Variants in GRM7 observed in about 807,000 individuals in gnomAD.
GRM7 encodes glutamate metabotropic receptor 7.
GRM7 carries 35 observed loss-of-function variants against 84.5 expected under a neutral mutation model. The observed-to-expected ratio is 0.41, with a 90% CI of 0.32 to 0.55. GRM7 has a LOEUF of 0.55. Among genes scored for constraint, GRM7 ranks in the 20% least tolerant of loss-of-function variants. GRM7 has a pLI of 0.19. For synonymous variants in GRM7, 487 were observed against 455.1 expected, an observed-to-expected ratio of 1.07 and a Z score of -0.89; for missense variants, 1,003 against 1,194.6, an observed-to-expected ratio of 0.84 and a Z score of 2.36.
At chr3:7,420,190 C>T (rs191250027) in intron 5 of GRM7, among the ~76,000 whole-genome samples, 5 of 152,168 alleles carry the variant, frequency 3.3e-5, no homozygotes, top group East Asian at 1.9e-4. Flanking sequence ...CTATATAATT[C>T]GTTAACAAGA....
chr3:7,274,135 A>G lies in GRM7; in HGVS notation c.737-24549A>G, dbSNP rs534104949. Among the ~76,000 whole-genome samples the G allele has an allele frequency of 3.3e-5, 5 of 152,078 alleles. No homozygotes were observed. In the South Asian group the frequency reaches 1.0e-3, roughly 31 times the overall value. On this transcript the variant is annotated intron_variant, in intron 2 of 9. Coordinates refer to ENST00000357716, the MANE Select transcript of GRM7 (RefSeq NM_000844.4). ...ACACTATTACTATCAATATTTCTTCATAGGTAGTGCAAGTACCTCATAGTA... is the reference window on the plus strand; with the variant it reads ...ACACTATTACTATCAATATTTCTTCGTAGGTAGTGCAAGTACCTCATAGTA...
At chr3:7,105,160 G>T (rs1326711878) in intron 1 of GRM7, among the ~76,000 whole-genome samples, 1 of 151,474 alleles carries the variant, frequency 6.6e-6, no homozygotes, top group Non-Finnish European at 1.5e-5. Context: ...CATTCCTAAT[G>T]TTCTTTGTCA....
chr3:7,633,083 T>A (rs1299834345), intron 8 of GRM7, among the ~76,000 whole-genome samples: 2 of 152,242 alleles, frequency 1.3e-5, no homozygotes, highest in African/African-American at 2.4e-5. Flanking sequence ...TGCTGGGATG[T>A]AATGGGTATA....
At chr3:7,102,182 A>G (rs970025959) in intron 1 of GRM7, among the ~76,000 whole-genome samples, 1 of 151,764 alleles carries the variant, frequency 6.6e-6, no homozygotes, top group African/African-American at 2.4e-5. Context: ...AAGTGGTTTT[A>G]GCATTTCTTG....
intron 4 of GRM7, among the ~76,000 whole-genome samples, chr3:7,374,402 C>G (rs1039445259): frequency 6.6e-6 from 1 of 151,940 alleles, no homozygotes; most frequent in African/African-American, 2.4e-5. Context: ...TGGTCTAGAA[C>G]TCCTGGCCTC....
In GRM7 at chr3:7,388,766, G is replaced by T. The variant is rs1235512244; in HGVS notation, c.1034-26257G>T. Among the ~76,000 whole-genome samples, 3 of 152,016 alleles carry T rather than the reference G, an allele frequency of 2.0e-5. No individual in the cohort carries two copies. In the East Asian group the frequency reaches 5.8e-4, roughly 29 times the overall value. The stretch of plus-strand genomic sequence containing the variant: ...CTCTGAAGACCTTTTATATTTCTTT[G>T]TGTGCTTTTTGAGTATTCTTTTTTC... On this transcript the variant is annotated intron_variant, in intron 4 of 9. Coordinates refer to ENST00000357716, the MANE Select transcript of GRM7 (RefSeq NM_000844.4).
chr3:7,433,024 C>T (rs1696893563), intron 5 of GRM7, among the ~76,000 whole-genome samples: 1 of 152,054 alleles, frequency 6.6e-6, no homozygotes, highest in Non-Finnish European at 1.5e-5. Flanking sequence ...GAAAGCCAGA[C>T]TATGCCAACC....
chr3:6,917,732 A>G (rs1228902482), intron 1 of GRM7, among the ~76,000 whole-genome samples: 1 of 152,094 alleles, frequency 6.6e-6, no homozygotes, highest in Non-Finnish European at 1.5e-5. Flanking sequence ...GTAGTAATAT[A>G]TTACATTGCA....
intron 1 of GRM7, among the ~76,000 whole-genome samples, chr3:6,946,212 A>G (rs1698074550): frequency 6.6e-6 from 1 of 152,154 alleles, no homozygotes; most frequent in African/African-American, 2.4e-5. Flanking sequence ...TTAAGTCTTT[A>G]ATCCATCTTG....
chr3:7,443,279 A>G lies in GRM7; in HGVS notation c.1175-9328A>G, dbSNP rs567102283. Among the ~76,000 whole-genome samples the G allele has an allele frequency of 2.6e-5, 4 of 152,228 alleles. No individual in the cohort carries two copies. The South Asian group carries it at 8.3e-4, about 32-fold the overall frequency. On this transcript the variant is annotated intron_variant, in intron 5 of 9. Coordinates refer to ENST00000357716, the MANE Select transcript of GRM7 (RefSeq NM_000844.4). ...ATTGGCCAATTCAAAGTAAACCTCTACATATGGTTTTATTTTAAACACTTC... is the reference window on the plus strand; with the variant it reads ...ATTGGCCAATTCAAAGTAAACCTCTGCATATGGTTTTATTTTAAACACTTC...
Position 7,461,640 on chromosome 3 carries a change from A to G in GRM7, c.1433A>G (p.Asp478Gly). ...NKNGDAPGRY[D>G]IFQYQTTNTS... Reference sequence around the variant, plus strand: ...AACGGGGATGCACCTGGGCGTTATGACATCTTTCAGTACCAGACCACAAAC... The same window carrying G: ...AACGGGGATGCACCTGGGCGTTATGGCATCTTTCAGTACCAGACCACAAAC... Residue 478 changes from aspartate to glycine, a missense_variant, in exon 7 of 10, where the codon GAC (aspartate) becomes GGC (glycine). Physicochemically the swap from Asp to Gly is moderately conservative, Grantham distance 94. This residue lies in a region of GRM7 where 910 missense variants were observed against 1,126.0 expected (regional missense o/e 0.81). Coordinates refer to ENST00000357716, the MANE Select transcript of GRM7 (RefSeq NM_000844.4). The G allele has an allele frequency of 3.1e-6, 5 of 1,613,018 alleles. No individual in the cohort carries two copies. Among genetic ancestry groups the G allele is most frequent in the Non-Finnish European group, 4.2e-6 (5 of 1,179,028 alleles).
intron 1 of GRM7, among the ~76,000 whole-genome samples, chr3:6,886,306 G>A (rs889633180): frequency 3.9e-5 from 6 of 152,100 alleles, no homozygotes; most frequent in Admixed American, 6.6e-5. Context: ...ATGGACACAG[G>A]GAGGGGAGCA....
chr3:7,454,090 A>ACACTCT (rs1365192243), intron 6 of GRM7, among the ~76,000 whole-genome samples: 2,404 of 140,118 alleles, frequency 0.017, 40 homozygotes, highest in African/African-American at 0.041. Context: ...CTACACACAC[A>ACACTCT]CTCTCTCTCT....
rs73809078 is a variant in GRM7 at position 7,367,619 on chromosome 3, A to G, written c.1034-47404A>G. On this transcript the variant is annotated intron_variant, in intron 4 of 9. Transcript: ENST00000357716. ...ATGGGAGGGTTGAGGGCCCTGCATA[A>G]TAATAATATCTGACCCTCCAAAAAA... is the stretch of plus-strand genomic sequence containing the variant. Among the ~76,000 whole-genome samples the G allele has an allele frequency of 3.2e-3, 483 of 152,006 alleles. 2 individuals are homozygous for G. The highest frequency in any genetic ancestry group is 0.011 in the African/African-American group (460 of 41,508).
chr3:7,730,215 C>A lies in GRM7; in HGVS notation c.2699-10142C>A, dbSNP rs544890375. ...TAGATACAGGGTTTCACCATGTTGG[C>A]CAGGATGGTCTCAATCTCTTGACCT... On this transcript the variant is annotated intron_variant, in intron 9 of 9. Transcript: ENST00000357716. Among the ~76,000 whole-genome samples the A allele has an allele frequency of 6.0e-5, 9 of 150,310 alleles. No homozygotes were observed. The East Asian group carries it at 1.4e-3, about 24-fold the overall frequency.
At chr3:6,868,100 A>T (rs11915408) in intron 1 of GRM7, among the ~76,000 whole-genome samples, 2,947 of 152,280 alleles carry the variant, frequency 0.019, 109 homozygotes, top group African/African-American at 0.067. Flanking sequence ...CCACGTGCTA[A>T]AAGTACTTCA....
intron 7 of GRM7, among the ~76,000 whole-genome samples, chr3:7,548,438 A>G (rs1693277742): frequency 6.6e-6 from 1 of 152,244 alleles, no homozygotes; most frequent in Non-Finnish European, 1.5e-5. Flanking sequence ...GATGGGCTAA[A>G]TAAACCTCTT....
intron 2 of GRM7, among the ~76,000 whole-genome samples, chr3:7,284,285 CGTG>C (rs1699351040): frequency 7.6e-6 from 1 of 131,052 alleles, no homozygotes; most frequent in Non-Finnish European, 1.7e-5. Flanking sequence ...CATGCTCACT[CGTG>C]TGTGTGTGTG....
chr3:7,123,472 A>G (rs2125045879), intron 1 of GRM7, among the ~76,000 whole-genome samples: 1 of 152,252 alleles, frequency 6.6e-6, no homozygotes, highest in South Asian at 2.1e-4. Context: ...TACAAAAATT[A>G]GATGGGTGTG....
Sources: gnomAD v4.1 joint callset for allele counts (sites outside exome capture counted in the v4.1 genomes callset) on GRCh38, gnomAD v4.1.1 for gene constraint, gnomAD v4.1.1 regional missense constraint, MANE v1.5 for transcripts, NCBI Gene and HGNC (gene_info 2026-07-23, HGNC 2026-07-21) for gene names.